Variants in MDGA2 observed in about 807,000 individuals in gnomAD.
MDGA2 encodes the protein MAM domain containing glycosylphosphatidylinositol anchor 2.
A neutral mutation model predicts 117.8 loss-of-function variants in MDGA2; 40 were observed. That is an observed-to-expected ratio of 0.34 (90% CI 0.26 to 0.44). MDGA2 has a LOEUF of 0.44. Ranked by LOEUF, MDGA2 falls within the 20% of genes least tolerant of loss-of-function variation. MDGA2 has a pLI of 1.00. For synonymous variants in MDGA2, 452 were observed against 439.0 expected (o/e 1.03, Z -0.37); for missense variants, 1,123 against 1,250.6 (o/e 0.90, Z 1.54).
At chr14:47,042,550 T>G (rs1322020265) in intron 7 of MDGA2, among the ~76,000 whole-genome samples, 3 of 152,136 alleles carry the variant, frequency 2.0e-5, no homozygotes, top group Admixed American at 6.6e-5. Flanking sequence ...CTCCATCTCT[T>G]CTTTGCTAGC....
intron 1 of MDGA2, among the ~76,000 whole-genome samples, chr14:47,539,670 C>T (rs913012713): frequency 6.6e-6 from 1 of 152,178 alleles, no homozygotes; most frequent in Admixed American, 6.5e-5. Flanking sequence ...TTACTTGTAT[C>T]TGAGAGAAGT....
In MDGA2 at chr14:46,938,364, C is replaced by A. The variant is rs540921944; in HGVS notation, c.2090-18204G>T. On this transcript the variant is annotated intron_variant, in intron 9 of 16. Coordinates refer to ENST00000399232, the MANE Select transcript of MDGA2 (RefSeq NM_001113498.3). ...GACCAGCCTGACCAACATGGTAAAA[C>A]CCCTTCTCTACTAAAAATAAAAAAA... Among the ~76,000 whole-genome samples the A allele has an allele frequency of 2.6e-5, 4 of 151,394 alleles. No homozygotes were observed. The East Asian group carries it at 7.8e-4, about 30-fold the overall frequency.
At chr14:47,250,637 C>T (rs1055335249) in intron 2 of MDGA2, among the ~76,000 whole-genome samples, 12 of 152,296 alleles carry the variant, frequency 7.9e-5, no homozygotes, top group Middle Eastern at 3.4e-3. Context: ...GATCTTCCAG[C>T]ACTTTGATCT....
intron 2 of MDGA2, among the ~76,000 whole-genome samples, chr14:47,291,040 G>A (rs1457926839): frequency 6.6e-6 from 1 of 152,144 alleles, no homozygotes; most frequent in African/African-American, 2.4e-5. Context: ...CTAAAGTTCT[G>A]TGCTGTGATT....
intron 16 of MDGA2, among the ~76,000 whole-genome samples, chr14:46,844,061 T>C (rs1404213486): frequency 6.6e-6 from 1 of 152,170 alleles, no homozygotes; most frequent in Non-Finnish European, 1.5e-5. Context: ...TTGTGCATTA[T>C]TCATCATGTT....
chr14:47,460,835 C>T (rs1733938176), intron 1 of MDGA2, among the ~76,000 whole-genome samples: 1 of 152,022 alleles, frequency 6.6e-6, no homozygotes, highest in Non-Finnish European at 1.5e-5. Context: ...CCACACAGGC[C>T]AATAAGTCCC....
At chr14:47,161,845 A>T (rs764168644) in intron 3 of MDGA2, among the ~76,000 whole-genome samples, 3 of 150,490 alleles carry the variant, frequency 2.0e-5, no homozygotes, top group Non-Finnish European at 4.4e-5. Flanking sequence ...TTCAGTTTTA[A>T]GAATCTAATT....
chr14:46,935,031 TTA>T (rs1491348142), intron 9 of MDGA2, among the ~76,000 whole-genome samples: 1 of 139,864 alleles, frequency 7.1e-6, no homozygotes, highest in African/African-American at 2.9e-5. Flanking sequence ...GTGTCAGAAT[TTA>T]AAAAAAAAAA....
intron 1 of MDGA2, among the ~76,000 whole-genome samples, chr14:47,449,579 C>G (rs1381014368): frequency 2.6e-5 from 4 of 151,994 alleles, no homozygotes; most frequent in Admixed American, 6.6e-5. Flanking sequence ...GTTAAACACA[C>G]TTAAGAGGTT....
rs776835399 is a variant in MDGA2, at chr14:47,301,401, C to T, written c.420+10G>A. ...GAATGTTTTCTCCAGTGTCACAGTT[C>T]GGGACTCACCTGTGGACGTGGATGT... On this transcript the variant is annotated intron_variant, in intron 2 of 16. Transcript: ENST00000399232. 26 of 1,551,222 alleles carry T rather than the reference C, an allele frequency of 1.7e-5. No individual in the cohort carries two copies. In the Admixed American group the frequency reaches 1.8e-4, roughly 11 times the overall value.
At chr14:47,240,696 T>C (rs1307794627) in intron 2 of MDGA2, among the ~76,000 whole-genome samples, 1 of 151,862 alleles carries the variant, frequency 6.6e-6, no homozygotes, top group East Asian at 1.9e-4. Flanking sequence ...TGTCTTAGAA[T>C]ATTGCACACA....
intron 8 of MDGA2, among the ~76,000 whole-genome samples, chr14:46,989,347 T>C (rs1886994051): frequency 6.6e-6 from 1 of 151,730 alleles, no homozygotes; most frequent in Non-Finnish European, 1.5e-5. Context: ...GGTATCCTTG[T>C]GAAGACAATA....
chr14:47,590,271 AT>A (rs1333975364), intron 1 of MDGA2, among the ~76,000 whole-genome samples: 1 of 151,896 alleles, frequency 6.6e-6, no homozygotes, highest in Non-Finnish European at 1.5e-5. Context: ...TTTTATTTTA[AT>A]TGTAAAAAGC....
At chr14:47,380,354 A>G (rs1891587036) in intron 1 of MDGA2, among the ~76,000 whole-genome samples, 1 of 152,196 alleles carries the variant, frequency 6.6e-6, no homozygotes, top group Non-Finnish European at 1.5e-5. Flanking sequence ...AGCAGAAGGC[A>G]AGAAATAACT....
chr14:47,272,177 T>C (rs1199645902), intron 2 of MDGA2, among the ~76,000 whole-genome samples: 1 of 152,020 alleles, frequency 6.6e-6, no homozygotes, highest in African/African-American at 2.4e-5. Flanking sequence ...GAGCAATTGT[T>C]AATTTCGTTG....
intron 15 of MDGA2, among the ~76,000 whole-genome samples, chr14:46,846,677 A>G (rs1037840158): frequency 6.6e-6 from 1 of 152,168 alleles, no homozygotes; most frequent in Admixed American, 6.5e-5. Context: ...GGACTCTTTT[A>G]GAATTTTCTT....
At chr14:47,652,114 A>C (rs1179219301) in intron 1 of MDGA2, among the ~76,000 whole-genome samples, 1 of 152,220 alleles carries the variant, frequency 6.6e-6, no homozygotes, top group East Asian at 1.9e-4. Flanking sequence ...GGACAAGGAC[A>C]GAAATATAAG....
At chr14:46,897,746 A>G (rs990902847) in intron 10 of MDGA2, among the ~76,000 whole-genome samples, 16 of 147,772 alleles carry the variant, frequency 1.1e-4, no homozygotes, top group African/African-American at 3.7e-4. Context: ...CAATTGGTAC[A>G]TGTGTAGAAA....
chr14:47,301,310 C>G, intron 2 of MDGA2, 101 bp downstream of exon 2: 1 of 1,309,370 alleles, frequency 7.6e-7, no homozygotes, highest in South Asian at 1.4e-5. Flanking sequence ...CACACACACA[C>G]ACACACACAC....
Sources: allele counts gnomAD v4.1 joint callset (sites outside exome capture counted in the v4.1 genomes callset), GRCh38; gene constraint gnomAD v4.1.1; transcripts MANE v1.5; gene names NCBI Gene and HGNC (gene_info 2026-07-23, HGNC 2026-07-21).